Variants in STARD8 observed in about 807,000 individuals in gnomAD.
STARD8 encodes the protein StAR related lipid transfer domain containing 8, also known as stAR-related lipid transfer protein 8.
STARD8 carries 25 observed loss-of-function variants against 69.4 expected under a neutral mutation model. The ratio of observed to expected loss-of-function variants is 0.36; its 90% confidence interval spans 0.26 to 0.50. The LOEUF (loss-of-function observed/expected upper bound fraction) is 0.50, where lower values mean the gene tolerates loss of function less well. Ranked by LOEUF, STARD8 falls within the 20% of genes least tolerant of loss-of-function variation. The probability of loss-of-function intolerance (pLI) is 0.96; values close to 1 mark genes in which losing one functional copy is unlikely to be tolerated. For synonymous variants in STARD8, 389 were observed against 374.6 expected, an observed-to-expected ratio of 1.04 and a Z score of -0.45; for missense variants, 921 against 932.5, an observed-to-expected ratio of 0.99 and a Z score of 0.16.
At chrX:68,668,057 T>TTTC (rs1235300300) in intron 2 of STARD8, among the ~76,000 whole-genome samples, 14 of 71,584 alleles carry the variant, frequency 2.0e-4, no homozygotes, top group African/African-American at 6.5e-4. Context: ...TCTCTCTTTC[T>TTTC]TTTCTTTCTT....
At chrX:68,690,018 T>TTTTG (rs915539457) in intron 2 of STARD8, among the ~76,000 whole-genome samples, 6 of 109,373 alleles carry the variant, frequency 5.5e-5, no homozygotes, top group Non-Finnish European at 1.1e-4. Context: ...TTTTGTTTTG[T>TTTTG]TTTGTTTGTT....
chrX:68,699,045 G>C (rs747797712), intron 2 of STARD8, among the ~76,000 whole-genome samples: 1 of 111,966 alleles, frequency 8.9e-6, no homozygotes, highest in East Asian at 2.8e-4. Context: ...TCTGCAGTTT[G>C]CTCTCTGGCC....
chrX:68,675,821 C>T (rs993320805), intron 2 of STARD8, among the ~76,000 whole-genome samples: 3 of 111,695 alleles, frequency 2.7e-5, no homozygotes, highest in Non-Finnish European at 3.8e-5. Flanking sequence ...TTCCTTCTCA[C>T]GTCTGCCAAT....
At chrX:68,696,352 A>G (rs964301805) in intron 2 of STARD8, among the ~76,000 whole-genome samples, 1 of 111,735 alleles carries the variant, frequency 8.9e-6, no homozygotes, top group South Asian at 3.7e-4. Context: ...GCACGTGTGC[A>G]TGGGCATGCA....
Position 68,717,988 on chromosome X carries a change from G to C in STARD8, c.1074G>C (p.Leu358Phe). Residue 358 changes from leucine to phenylalanine, a missense_variant, in exon 6 of 15, where the codon TTG (leucine) becomes TTC (phenylalanine). By Grantham distance (22) the Leu-to-Phe change is conservative (BLOSUM62 0). Coordinates refer to ENST00000374599, the MANE Select transcript of STARD8 (RefSeq NM_001142503.3). The stretch of plus-strand genomic sequence containing the variant: ...GCCATGCCAGCACGTATGACAACTT[G>C]CCTGAGCTGTACCCAGCTGAGCCTG... Reference protein sequence around the residue: ...TGSHASTYDNLPELYPAEPVM... With the variant: ...TGSHASTYDNFPELYPAEPVM... The C allele has an allele frequency of 8.3e-7, 1 of 1,210,301 alleles. No individual in the cohort carries two copies. The highest frequency in any genetic ancestry group is 1.8e-5 in the South Asian group (1 of 56,607).
chrX:68,675,341 G>A (rs1229155952), intron 2 of STARD8, among the ~76,000 whole-genome samples: 2 of 110,620 alleles, frequency 1.8e-5, no homozygotes, highest in East Asian at 2.9e-4. Context: ...TGATCCACCC[G>A]TCTCAGCTTC....
intron 2 of STARD8, chrX:68,693,531 TG>T: frequency 1.9e-6 from 1 of 525,782 alleles, no homozygotes; most frequent in Non-Finnish European, 2.3e-6. Flanking sequence ...CACCCAGATT[TG>T]GGTGACTTTC....
At chrX:68,688,385 G>C (rs894286031) in intron 2 of STARD8, among the ~76,000 whole-genome samples, 17 of 110,917 alleles carry the variant, frequency 1.5e-4, no homozygotes, top group Non-Finnish European at 3.0e-4. Flanking sequence ...GCTGGGCTGG[G>C]CCAGGCTGGG....
Position 68,717,485 on chromosome X carries a change from C to T in STARD8, c.571C>T (p.Gln191Ter), listed in dbSNP as rs769406466. 3.3e-6 allele frequency: 4 copies of T among 1,210,856 alleles called. No individual in the cohort carries two copies. Among genetic ancestry groups the T allele is most frequent in the Non-Finnish European group, 4.5e-6 (4 of 895,518 alleles). ...SSDRPLLSPTQGQEGPQDKAK... is the reference protein window; with the variant it reads ...SSDRPLLSPT ...TGACCGGCCCCTCCTCAGCCCCACCCAGGGCCAGGAGGGTCCCCAGGACAA... is the reference window on the plus strand; with the variant it reads ...TGACCGGCCCCTCCTCAGCCCCACCTAGGGCCAGGAGGGTCCCCAGGACAA... Residue 191 changes from glutamine to a stop codon, truncating the protein, a stop_gained, in exon 6 of 15, where the codon CAG becomes TAG. Coordinates refer to ENST00000374599, the MANE Select transcript of STARD8 (RefSeq NM_001142503.3). LOFTEE classifies it high-confidence loss of function.
intron 2 of STARD8, among the ~76,000 whole-genome samples, chrX:68,690,406 C>G (rs973697604): frequency 2.2e-4 from 23 of 105,724 alleles, no homozygotes; most frequent in African/African-American, 7.7e-4. Context: ...AGCAGCAGCT[C>G]GAGCAACTCC....
In STARD8 at chrX:68,717,266, C is replaced by T. The variant is rs776027217; in HGVS notation, c.352C>T (p.Gln118Ter). The T allele has an allele frequency of 8.3e-7, 1 of 1,204,839 alleles. No homozygotes were observed. Among genetic ancestry groups the T allele is most frequent in the South Asian group, 1.8e-5 (1 of 55,402 alleles). ...TACCATCAGTAGCCACTGGGCCTTC[C>T]AGCAGGAAAGTAAGTGCTGGTCTCC... ...QCTISSHWAF[Q>*]QESKCWSPMG... Residue 118 changes from glutamine to a stop codon, truncating the protein, a stop_gained, in exon 6 of 15, where the codon CAG (glutamine) becomes TAG (stop). Coordinates refer to ENST00000374599, the MANE Select transcript of STARD8 (RefSeq NM_001142503.3). LOFTEE classifies it high-confidence loss of function.
intron 2 of STARD8, among the ~76,000 whole-genome samples, chrX:68,668,110 T>TTTC (rs1157538170): frequency 2.9e-5 from 3 of 101,959 alleles, no homozygotes; most frequent in African/African-American, 1.1e-4. Context: ...TCTTTCTTTC[T>TTTC]TTCTGTCTTT....
At chrX:68,718,884 G>T (rs948874054) in intron 6 of STARD8, among the ~76,000 whole-genome samples, 6 of 111,172 alleles carry the variant, frequency 5.4e-5, no homozygotes, top group Non-Finnish European at 7.5e-5. Context: ...AGTGAGGGAG[G>T]ATGCTAGAGG....
intron 1 of STARD8, chrX:68,656,477 C>A (rs2079611248): frequency 8.9e-6 from 1 of 111,958 alleles, no homozygotes; most frequent in Non-Finnish European, 1.9e-5. Context: ...AGTAGAAATA[C>A]CATTTGACCC....
chrX:68,712,992 C>A lies in STARD8; in HGVS notation c.151+7C>A. 1 of 1,199,338 alleles carries A rather than the reference C, an allele frequency of 8.3e-7. No homozygotes were observed. The highest frequency in any genetic ancestry group is 1.7e-5 in the African/African-American group (1 of 57,633). ...TATGTGCAGCTTTTTGAAGGTAAGGCCACTCAACTGTTTACCCTCCCATAC... is the reference window on the plus strand; with the variant it reads ...TATGTGCAGCTTTTTGAAGGTAAGGACACTCAACTGTTTACCCTCCCATAC... On this transcript the variant is annotated splice_region_variant and intron_variant, in intron 3 of 14. Transcript: ENST00000374599.
At chrX:68,669,677 C>T (rs1005720654) in intron 2 of STARD8, among the ~76,000 whole-genome samples, 1 of 112,399 alleles carries the variant, frequency 8.9e-6, no homozygotes, top group African/African-American at 3.2e-5. Context: ...CTGCTCGCAA[C>T]CCAACTGGCT....
Position 68,711,351 on chromosome X carries a change from A to G in STARD8, c.80-1563A>G, listed in dbSNP as rs377465007. Among the ~76,000 whole-genome samples, 36 of 111,607 alleles carry G rather than the reference A, an allele frequency of 3.2e-4. No individual in the cohort carries two copies. In the South Asian group the frequency reaches 0.013, roughly 41 times the overall value. On this transcript the variant is annotated intron_variant, in intron 2 of 14. Transcript: ENST00000374599. ...GGTGCCTGTGGGTATATACAGGTGC[A>G]TGGTCCCACAGTGATCCTCATGAGT...
chrX:68,689,728 C>A (rs1459694332), intron 2 of STARD8, among the ~76,000 whole-genome samples: 3 of 111,960 alleles, frequency 2.7e-5, no homozygotes, highest in Non-Finnish European at 3.8e-5. Flanking sequence ...CAGCACAGAG[C>A]TCCTCCTTCC....
At chrX:68,672,010 A>G (rs1338937848) in intron 2 of STARD8, among the ~76,000 whole-genome samples, 1 of 112,270 alleles carries the variant, frequency 8.9e-6, no homozygotes, top group Admixed American at 9.4e-5. Flanking sequence ...AGTTGGCTGC[A>G]TTAAATGTTG....
Sources: allele counts gnomAD v4.1 joint callset (sites outside exome capture counted in the v4.1 genomes callset), GRCh38; gene constraint gnomAD v4.1.1; transcripts MANE v1.5; gene names NCBI Gene and HGNC (gene_info 2026-07-23, HGNC 2026-07-21).